NRG1: variants seen among roughly 807,000 people sequenced by gnomAD.
The protein encoded by NRG1 is neuregulin 1, also known as pro-neuregulin-1, membrane-bound isoform.
In NRG1, 18 loss-of-function variants were observed where a neutral mutation model predicts 63.8. That is an observed-to-expected ratio of 0.28 (90% CI 0.19 to 0.42). The LOEUF is 0.42. Among genes scored for constraint, NRG1 ranks in the 10% least tolerant of loss-of-function variants. NRG1 has a pLI of 1.00. For synonymous variants in NRG1, 302 were observed against 301.3 expected, an observed-to-expected ratio of 1.00 and a Z score of -0.02; for missense variants, 762 against 814.7, an observed-to-expected ratio of 0.94 and a Z score of 0.79.
In NRG1 at chr8:31,943,182, C is replaced by T. The variant is rs146432739; in HGVS notation, c.37+303751C>T. On this transcript the variant is annotated intron_variant, in intron 1 of 10. Coordinates refer to the NRG1 transcript ENST00000519301. ...ACAAAAATATTTATATGTACACACACGCCATGGAATACTACTTAGCCATAA... is the reference window on the plus strand; with the variant it reads ...ACAAAAATATTTATATGTACACACATGCCATGGAATACTACTTAGCCATAA... Among the ~76,000 whole-genome samples, 151 of 152,128 alleles carry T rather than the reference C, an allele frequency of 9.9e-4. 1 individual carries two copies. In the East Asian group the frequency reaches 0.024, roughly 24 times the overall value.
At chr8:31,687,116 C>G (rs896131929) in intron 1 of NRG1, among the ~76,000 whole-genome samples, 1 of 151,854 alleles carries the variant, frequency 6.6e-6, no homozygotes, top group Non-Finnish European at 1.5e-5. Flanking sequence ...GTTTTGGTAC[C>G]TTGTTGTTAG....
chr8:32,391,187 G>A (rs1441861250), intron 1 of NRG1, among the ~76,000 whole-genome samples: 1 of 152,002 alleles, frequency 6.6e-6, no homozygotes, highest in Admixed American at 6.6e-5. Context: ...CTGGAGTGCA[G>A]TGGCAGGATC....
chr8:32,242,788 C>T lies in NRG1; in HGVS notation c.38-353040C>T, dbSNP rs146287366. On this transcript the variant is annotated intron_variant, in intron 1 of 10. Coordinates refer to the NRG1 transcript ENST00000519301. Reference sequence around the variant, plus strand: ...ATTAATTTTTTACAACCAGTTTATGCGATGCATACTGTCCTCATTTATCAT... The same window carrying T: ...ATTAATTTTTTACAACCAGTTTATGTGATGCATACTGTCCTCATTTATCAT... Among the ~76,000 whole-genome samples the T allele has an allele frequency of 3.3e-3, 509 of 152,194 alleles. 2 individuals carry two copies. Among genetic ancestry groups the T allele is most frequent in the African/African-American group, 0.011 (475 of 41,542 alleles).
At chr8:32,228,271 C>A (rs1223566722) in intron 1 of NRG1, among the ~76,000 whole-genome samples, 1 of 152,080 alleles carries the variant, frequency 6.6e-6, no homozygotes, top group Non-Finnish European at 1.5e-5. Context: ...TGCTCTTATT[C>A]CAAAAAATAT....
At chr8:31,894,457 T>C (rs549458194) in intron 1 of NRG1, among the ~76,000 whole-genome samples, 71 of 152,272 alleles carry the variant, frequency 4.7e-4, no homozygotes, top group Middle Eastern at 3.4e-3. Flanking sequence ...TTAAACCATA[T>C]GAATGTATGT....
chr8:32,545,927 C>T (rs945775781), upstream of NRG1, among the ~76,000 whole-genome samples: 21 of 152,126 alleles, frequency 1.4e-4, no homozygotes, highest in African/African-American at 4.8e-4. Flanking sequence ...AATTTTTGTC[C>T]TGTCTTTTCC....
intron 1 of NRG1, among the ~76,000 whole-genome samples, chr8:31,903,294 G>A (rs1030564015): frequency 6.6e-6 from 1 of 151,642 alleles, no homozygotes; most frequent in Admixed American, 6.6e-5. Flanking sequence ...GACTACAGGC[G>A]TCCACTACCA....
intron 1 of NRG1, among the ~76,000 whole-genome samples, chr8:32,531,183 T>C (rs1353369087): frequency 6.6e-6 from 1 of 151,950 alleles, no homozygotes; most frequent in East Asian, 1.9e-4. Flanking sequence ...AGAGATGTTA[T>C]CCATGATTTA....
chr8:32,504,564 T>C lies in NRG1; in HGVS notation c.38-91264T>C, dbSNP rs114754306. Among the ~76,000 whole-genome samples, 519 of 152,224 alleles carry C rather than the reference T, an allele frequency of 3.4e-3. 3 individuals carry two copies. The highest frequency in any genetic ancestry group is 0.012 in the African/African-American group (492 of 41,560). On this transcript the variant is annotated intron_variant, in intron 1 of 10. Transcript: ENST00000519301. ...CATAGGTACAACGTACATACATATA[T>C]ACACACATAAACATATAAAGATTTA...
In NRG1 at chr8:31,938,189, C is replaced by T. The variant is rs549503514; in HGVS notation, c.37+298758C>T. ...CCTGCTACCTCCACCAGAGTAGGTA[C>T]TAGTATGCACAGCTGCAAGACCTGA... On this transcript the variant is annotated intron_variant, in intron 1 of 10. Transcript: ENST00000519301. Among the ~76,000 whole-genome samples the T allele has an allele frequency of 3.3e-5, 5 of 152,278 alleles. No homozygotes were observed. In the South Asian group the frequency reaches 1.0e-3, roughly 32 times the overall value.
chr8:32,371,988 C>T (rs1193293600), intron 1 of NRG1, among the ~76,000 whole-genome samples: 1 of 92,668 alleles, frequency 1.1e-5, no homozygotes, highest in African/African-American at 3.6e-5. Context: ...TTTTCTTCTT[C>T]TTCATTTTTT....
chr8:32,532,192 C>T (rs1404861043), intron 1 of NRG1, among the ~76,000 whole-genome samples: 1 of 152,178 alleles, frequency 6.6e-6, no homozygotes, highest in Non-Finnish European at 1.5e-5. Flanking sequence ...ATGGATTAAT[C>T]AGAGCTTGTG....
At chr8:32,014,387 T>C (rs1563680631) in intron 1 of NRG1, among the ~76,000 whole-genome samples, 1 of 152,138 alleles carries the variant, frequency 6.6e-6, no homozygotes, top group Non-Finnish European at 1.5e-5. Context: ...CTTGTGATTT[T>C]TGCACATTGA....
chr8:32,648,499 G>T, intron 5 of NRG1: 1 of 1,421,364 alleles, frequency 7.0e-7, no homozygotes, highest in Non-Finnish European at 9.3e-7. Flanking sequence ...TTTTGTTTAA[G>T]CAAAGCCTAT....
chr8:32,246,787 T>C lies in NRG1; in HGVS notation c.38-349041T>C, dbSNP rs564569004. 3.3e-5 allele frequency among the ~76,000 whole-genome samples: 5 copies of C among 152,102 alleles called. No homozygotes were observed. In the South Asian group the frequency reaches 8.3e-4, roughly 25 times the overall value. Reference sequence around the variant, plus strand: ...TTAAAATAATCACACTCGAAGCAGATAGAATGGCGGTTACAGGGGATGGGG... The same window carrying C: ...TTAAAATAATCACACTCGAAGCAGACAGAATGGCGGTTACAGGGGATGGGG... On this transcript the variant is annotated intron_variant, in intron 1 of 10. Transcript: ENST00000519301.
At chr8:32,044,551 C>T (rs1820617609) in intron 1 of NRG1, among the ~76,000 whole-genome samples, 1 of 151,686 alleles carries the variant, frequency 6.6e-6, no homozygotes, top group Non-Finnish European at 1.5e-5. Context: ...AGATAGACCT[C>T]ATTCTAAATA....
intron 1 of NRG1, among the ~76,000 whole-genome samples, chr8:32,322,347 A>C (rs1801495485): frequency 7.1e-6 from 1 of 141,300 alleles, no homozygotes; most frequent in African/African-American, 2.7e-5. Flanking sequence ...TTTAAGTGCA[A>C]CCTTATTTTA....
intron 1 of NRG1, among the ~76,000 whole-genome samples, chr8:32,363,402 T>C (rs984655107): frequency 1.3e-5 from 2 of 152,196 alleles, no homozygotes; most frequent in Non-Finnish European, 2.9e-5. Flanking sequence ...ACCTGAAGAA[T>C]TTTTGTCAAC....
intron 5 of NRG1, among the ~76,000 whole-genome samples, chr8:32,639,632 T>C (rs545913258): frequency 5.3e-5 from 8 of 152,128 alleles, no homozygotes; most frequent in Admixed American, 5.2e-4. Flanking sequence ...CAACTGTTTC[T>C]CTCTATTTTA....
Sources: allele counts gnomAD v4.1 joint callset (sites outside exome capture counted in the v4.1 genomes callset), GRCh38; gene constraint gnomAD v4.1.1; transcripts MANE v1.5; gene names NCBI Gene and HGNC (gene_info 2026-07-23, HGNC 2026-07-21).